Variants in MGMT observed in about 807,000 individuals in gnomAD.
MGMT encodes O-6-methylguanine-DNA methyltransferase.
Under a neutral mutation model 15.9 loss-of-function variants are expected in MGMT, and 14 were observed. The ratio of observed to expected loss-of-function variants is 0.88; its 90% confidence interval spans 0.58 to 1.37. MGMT has a LOEUF of 1.37. Ranked by LOEUF, MGMT falls within the 40% of genes most tolerant of loss-of-function variation. The pLI is 0.00. For missense variants in MGMT, 282 were observed against 268.1 expected (o/e 1.05, Z -0.36); for synonymous variants, 130 against 118.2 (o/e 1.10, Z -0.65).
At chr10:129,561,306 G>A (rs923251477) in intron 2 of MGMT, among the ~76,000 whole-genome samples, 93 of 152,260 alleles carry the variant, frequency 6.1e-4, no homozygotes, top group African/African-American at 2.1e-3. Context: ...CAGCGACAGG[G>A]GTGGGTCAGG....
At chr10:129,524,180 G>A (rs1048274988) in intron 1 of MGMT, among the ~76,000 whole-genome samples, 5 of 152,216 alleles carry the variant, frequency 3.3e-5, no homozygotes, top group Admixed American at 6.5e-5. Context: ...CGGCTCCAGG[G>A]TTCTAAGGCC....
chr10:129,590,898 C>T (rs963485471), intron 2 of MGMT, among the ~76,000 whole-genome samples: 12 of 152,330 alleles, frequency 7.9e-5, no homozygotes, highest in South Asian at 4.1e-4. Context: ...CGCCGGCTGA[C>T]GGAAAGGTGG....
At chr10:129,753,532 A>AT (rs1848772560) in intron 3 of MGMT, among the ~76,000 whole-genome samples, 1 of 151,076 alleles carries the variant, frequency 6.6e-6, no homozygotes, top group Non-Finnish European at 1.5e-5. Context: ...TGTTTGGATG[A>AT]TTTTTTGTTA....
At chr10:129,595,406 C>T (rs550779924) in intron 2 of MGMT, among the ~76,000 whole-genome samples, 5 of 152,306 alleles carry the variant, frequency 3.3e-5, no homozygotes, top group Admixed American at 2.0e-4. Flanking sequence ...CCGTGACACA[C>T]GTTCCTCCCT....
At chr10:129,586,662 C>A (rs908562538) in intron 2 of MGMT, among the ~76,000 whole-genome samples, 2 of 152,282 alleles carry the variant, frequency 1.3e-5, no homozygotes, top group African/African-American at 4.8e-5. Flanking sequence ...GTTCTTTCTG[C>A]TTTCGGCTGT....
chr10:129,512,365 C>A (rs761888717), intron 1 of MGMT, among the ~76,000 whole-genome samples: 9 of 152,076 alleles, frequency 5.9e-5, no homozygotes, highest in Non-Finnish European at 1.0e-4. Context: ...TATTCTGTTA[C>A]ACGTTAATTT....
chr10:129,759,645 C>G (rs1035909116), intron 4 of MGMT, among the ~76,000 whole-genome samples: 1 of 152,130 alleles, frequency 6.6e-6, no homozygotes, highest in Admixed American at 6.5e-5. Flanking sequence ...GAGGGTGCCC[C>G]ACCTGCTCAC....
intron 1 of MGMT, among the ~76,000 whole-genome samples, chr10:129,474,865 C>T (rs79947314): frequency 0.081 from 12,369 of 152,168 alleles, 1,319 homozygotes; most frequent in African/African-American, 0.25. Context: ...GGGCTTCCTC[C>T]GGGCCCTGGG....
chr10:129,675,938 C>T (rs368776616), intron 2 of MGMT, among the ~76,000 whole-genome samples: 184 of 152,260 alleles, frequency 1.2e-3, no homozygotes, highest in African/African-American at 3.8e-3. Flanking sequence ...CAGGGGCAGG[C>T]GCTGCTCAGT....
intron 1 of MGMT, among the ~76,000 whole-genome samples, chr10:129,475,348 AT>A (rs1312091879): frequency 2.6e-5 from 4 of 152,064 alleles, no homozygotes; most frequent in African/African-American, 9.7e-5. Flanking sequence ...TGTCTGGGTG[AT>A]GGGGGATCAG....
At chr10:129,538,056 T>C (rs1180365952) in intron 2 of MGMT, among the ~76,000 whole-genome samples, 1 of 152,158 alleles carries the variant, frequency 6.6e-6, no homozygotes, top group Non-Finnish European at 1.5e-5. Flanking sequence ...AGTATTTGTG[T>C]GTAGTTAATT....
At chr10:129,542,280 G>C (rs1375423256) in intron 2 of MGMT, among the ~76,000 whole-genome samples, 7 of 152,152 alleles carry the variant, frequency 4.6e-5, no homozygotes, top group Admixed American at 3.9e-4. Flanking sequence ...TGCCGAGTCT[G>C]TGCTGCCAGT....
intron 1 of MGMT, among the ~76,000 whole-genome samples, chr10:129,517,812 C>T (rs1845755983): frequency 1.3e-5 from 2 of 152,086 alleles, no homozygotes; most frequent in Admixed American, 1.3e-4. Flanking sequence ...AGCATATTCC[C>T]AAATGTAACT....
At chr10:129,522,985 T>C (rs967537728) in intron 1 of MGMT, among the ~76,000 whole-genome samples, 2 of 152,228 alleles carry the variant, frequency 1.3e-5, no homozygotes, top group Non-Finnish European at 2.9e-5. Flanking sequence ...CTATAAAGAA[T>C]GAGGTTATTT....
intron 2 of MGMT, among the ~76,000 whole-genome samples, chr10:129,645,212 T>C (rs1200178473): frequency 2.0e-5 from 3 of 149,424 alleles, no homozygotes; most frequent in African/African-American, 5.0e-5. Context: ...CTCCGCCTCC[T>C]GGGTTCAAGC....
chr10:129,512,916 T>C (rs1482309309), intron 1 of MGMT, among the ~76,000 whole-genome samples: 1 of 151,996 alleles, frequency 6.6e-6, no homozygotes, highest in Non-Finnish European at 1.5e-5. Flanking sequence ...CCCCCCAAAA[T>C]TGAAAGCAGG....
intron 2 of MGMT, among the ~76,000 whole-genome samples, chr10:129,553,050 C>T (rs375233300): frequency 1.3e-5 from 2 of 152,198 alleles, no homozygotes; most frequent in Non-Finnish European, 2.9e-5. Context: ...GGATCCACCA[C>T]GATGTCTCCT....
chr10:129,646,754 A>ATATATTTTTTTTT lies in MGMT; in HGVS notation c.126-61140_126-61139insATATTTTTTTTTT. On this transcript the variant is annotated intron_variant, in intron 2 of 4. Coordinates refer to ENST00000651593, the MANE Select transcript of MGMT (RefSeq NM_002412.5). The stretch of plus-strand genomic sequence containing the variant: ...TATATATATATATATATATATATAT[A>ATATATTTTTTTTT]TTTTCAGGGAATGGTAGAGAACAGT... Among the ~76,000 whole-genome samples the ATATATTTTTTTTT allele has an allele frequency of 7.3e-4, 63 of 86,652 alleles. 1 individual carries two copies. Among genetic ancestry groups the ATATATTTTTTTTT allele is most frequent in the African/African-American group, 1.9e-3 (48 of 25,482 alleles). The allele number at this position is 86,652 out of a possible 152,430, so 56.8% of individuals were successfully genotyped here. A position where few individuals can be genotyped will look rare whatever the true frequency, so the allele number is the denominator to read the frequency against.
intron 2 of MGMT, among the ~76,000 whole-genome samples, chr10:129,587,304 T>G (rs1322465707): frequency 6.6e-6 from 1 of 151,676 alleles, no homozygotes; most frequent in Non-Finnish European, 1.5e-5. Context: ...CCCACAGTTC[T>G]CTAATATTGT....
Sources: gnomAD v4.1 joint callset for allele counts (sites outside exome capture counted in the v4.1 genomes callset) on GRCh38, gnomAD v4.1.1 for gene constraint, MANE v1.5 for transcripts, NCBI Gene and HGNC (gene_info 2026-07-23, HGNC 2026-07-21) for gene names.